The following CAMTA1 variants were observed in gnomAD, a reference collection of about 807,000 sequenced individuals.
The protein encoded by CAMTA1 is calmodulin-binding transcription activator 1.
A neutral mutation model predicts 170.9 loss-of-function variants in CAMTA1; 27 were observed. The observed-to-expected ratio is 0.16, with a 90% CI of 0.12 to 0.22. The LOEUF is 0.22. Among genes scored for constraint, CAMTA1 ranks in the 10% least tolerant of loss-of-function variants. CAMTA1 has a pLI of 1.00. For missense variants in CAMTA1, 1,619 were observed against 2,217.2 expected (o/e 0.73, Z 5.42); for synonymous variants, 833 against 891.5 (o/e 0.93, Z 1.17).
intron 3 of CAMTA1, among the ~76,000 whole-genome samples, chr1:6,915,805 GTC>G (rs1375895979): frequency 6.6e-6 from 1 of 152,200 alleles, no homozygotes; most frequent in East Asian, 1.9e-4. Context: ...GGCGAAGCCT[GTC>G]TCTCTGACTG....
chr1:7,091,072 C>T (rs893539417), intron 3 of CAMTA1, among the ~76,000 whole-genome samples: 2 of 152,030 alleles, frequency 1.3e-5, no homozygotes, highest in African/African-American at 4.8e-5. Context: ...TCCTTGCCAC[C>T]GACTCATCTT....
In CAMTA1 at chr1:7,282,292, A is replaced by G. The variant is rs887192205; in HGVS notation, c.438+32666A>G. 6.6e-5 allele frequency among the ~76,000 whole-genome samples: 10 copies of G among 152,106 alleles called. No homozygotes were observed. In the South Asian group the frequency reaches 1.7e-3, roughly 25 times the overall value. On this transcript the variant is annotated intron_variant, in intron 5 of 22. Transcript: ENST00000303635. ...TTTCTGGTTTTCCAGTAGCTCCAAG[A>G]CTGGGTTCTTCCATGCACCCCATCT... is the stretch of plus-strand genomic sequence containing the variant.
intron 5 of CAMTA1, among the ~76,000 whole-genome samples, chr1:7,402,923 G>T (rs997866431): frequency 6.6e-6 from 1 of 152,214 alleles, no homozygotes; most frequent in Non-Finnish European, 1.5e-5. Flanking sequence ...CGCGGGACTC[G>T]CATCCATTCA....
chr1:7,692,246 C>T (rs1271381956), intron 11 of CAMTA1, among the ~76,000 whole-genome samples: 1 of 152,192 alleles, frequency 6.6e-6, no homozygotes, highest in Non-Finnish European at 1.5e-5. Flanking sequence ...TGAACCTGCC[C>T]TGAGGCTGCC....
In CAMTA1 at chr1:7,665,074, A is replaced by G. The variant is rs747668666; in HGVS notation, c.2527A>G (p.Met843Val). The G allele has an allele frequency of 1.3e-6, 2 of 1,558,504 alleles. No homozygotes were observed. Among genetic ancestry groups the G allele is most frequent in the Non-Finnish European group, 1.7e-6 (2 of 1,152,336 alleles). ...CAGCTCGGAGGGCGGGGCCAGCACCATGGCCTACATGCACGTCGCCGAGGT... is the reference window on the plus strand; with the variant it reads ...CAGCTCGGAGGGCGGGGCCAGCACCGTGGCCTACATGCACGTCGCCGAGGT... ...LSSSEGGAST[M>V]AYMHVAEVVS... Residue 843 changes from methionine (M) to valine (V), a missense_variant, in exon 9 of 23, where the codon ATG becomes GTG. This residue lies in a region of CAMTA1 where 731 missense variants were observed against 907.6 expected (regional missense o/e 0.81). Transcript: ENST00000303635. This position sits in a 1 kb window ranked among gnomAD's most constrained non-coding sequence, Gnocchi z 4.3.
chr1:7,563,004 C>T (rs946483075), intron 6 of CAMTA1, among the ~76,000 whole-genome samples: 1 of 152,200 alleles, frequency 6.6e-6, no homozygotes, highest in Non-Finnish European at 1.5e-5. Flanking sequence ...TTTCTGGGTA[C>T]ACTGCTTCCC....
intron 5 of CAMTA1, among the ~76,000 whole-genome samples, chr1:7,310,678 T>TC (rs1676482570): frequency 2.9e-5 from 1 of 34,648 alleles, no homozygotes; most frequent in East Asian, 7.8e-4. Flanking sequence ...TTTCCTTTCT[T>TC]TCTCTCTCTC....
chr1:7,711,717 A>C (rs180888677), intron 11 of CAMTA1, among the ~76,000 whole-genome samples: 1 of 152,350 alleles, frequency 6.6e-6, no homozygotes, highest in East Asian at 1.9e-4. Context: ...ATTTATTTAA[A>C]TATCCTCTTT....
intron 10 of CAMTA1, chr1:7,672,100 G>C (rs755984219): frequency 6.6e-6 from 3 of 455,728 alleles, no homozygotes; most frequent in African/African-American, 6.0e-5. Flanking sequence ...ATAAACAGGA[G>C]GGGGGTAAGG....
chr1:7,447,661 A>G (rs1358992561), intron 5 of CAMTA1, among the ~76,000 whole-genome samples: 1 of 152,140 alleles, frequency 6.6e-6, no homozygotes, highest in Non-Finnish European at 1.5e-5. Flanking sequence ...CAGCCCTGCC[A>G]GTGCCACGGG....
chr1:7,563,527 C>G (rs2094991162), intron 6 of CAMTA1, among the ~76,000 whole-genome samples: 1 of 152,218 alleles, frequency 6.6e-6, no homozygotes, highest in Non-Finnish European at 1.5e-5. Flanking sequence ...GTGGAGTGGG[C>G]CCAGCTGTAG....
intron 6 of CAMTA1, among the ~76,000 whole-genome samples, chr1:7,468,534 C>G (rs2093264988): frequency 6.6e-6 from 1 of 152,244 alleles, no homozygotes; most frequent in Non-Finnish European, 1.5e-5. Context: ...CACCTGGCCT[C>G]TTGCCCTCTG....
intron 14 of CAMTA1, 106 bp from the exon 15 acceptor site, chr1:7,737,149 C>A: frequency 1.5e-6 from 2 of 1,358,022 alleles, no homozygotes; most frequent in Non-Finnish European, 2.1e-6. Context: ...ATGGCCCCAC[C>A]GAGATTGCCA....
chr1:7,102,009 A>G (rs1235743086), intron 4 of CAMTA1, among the ~76,000 whole-genome samples: 1 of 150,980 alleles, frequency 6.6e-6, no homozygotes, highest in Non-Finnish European at 1.5e-5. Flanking sequence ...ATGTACACAC[A>G]TGCATAAATA....
intron 4 of CAMTA1, among the ~76,000 whole-genome samples, chr1:7,168,143 A>G (rs1367199928): frequency 6.6e-6 from 1 of 152,052 alleles, no homozygotes; most frequent in Non-Finnish European, 1.5e-5. Context: ...TAAAAAGTAT[A>G]TTTTCTGTTT....
chr1:7,529,979 C>A (rs1319675003), intron 6 of CAMTA1, among the ~76,000 whole-genome samples: 1 of 152,210 alleles, frequency 6.6e-6, no homozygotes, highest in Non-Finnish European at 1.5e-5. Flanking sequence ...GCTGCCCGTG[C>A]CCAGCATGCT....
At chr1:6,801,324 G>A (rs944938201) in intron 1 of CAMTA1, among the ~76,000 whole-genome samples, 1 of 152,016 alleles carries the variant, frequency 6.6e-6, no homozygotes, top group African/African-American at 2.4e-5. Flanking sequence ...CTTTTTATCT[G>A]TCCTCTCCAA....
chr1:6,850,990 T>C (rs1343394688), intron 3 of CAMTA1, among the ~76,000 whole-genome samples: 1 of 152,216 alleles, frequency 6.6e-6, no homozygotes, highest in Non-Finnish European at 1.5e-5. Context: ...CTTTCATTAA[T>C]AGAAGAAGAT....
intron 3 of CAMTA1, among the ~76,000 whole-genome samples, chr1:7,087,911 T>C (rs763616133): frequency 2.0e-5 from 3 of 152,204 alleles, no homozygotes; most frequent in Non-Finnish European, 4.4e-5. Context: ...TTTGTGTGGT[T>C]TTCGTTCTTT....
Sources: allele counts gnomAD v4.1 joint callset (sites outside exome capture counted in the v4.1 genomes callset), GRCh38; gene constraint gnomAD v4.1.1; regional missense constraint gnomAD v4.1.1; non-coding constraint Gnocchi (gnomAD v3.1); transcripts MANE v1.5; gene names NCBI Gene and HGNC (gene_info 2026-07-23, HGNC 2026-07-21).